The following CALD1 variants were observed in gnomAD, a reference collection of about 807,000 sequenced individuals.
CALD1 encodes the protein caldesmon 1.
A neutral mutation model predicts 99.9 loss-of-function variants in CALD1; 33 were observed. The ratio of observed to expected loss-of-function variants is 0.33; its 90% CI spans 0.25 to 0.44. CALD1 has a LOEUF of 0.44. Ranked by LOEUF, CALD1 falls within the 20% of genes least tolerant of loss-of-function variation. The pLI, the probability that CALD1 is intolerant of heterozygous loss-of-function variation, is 1.00. For missense variants in CALD1, 861 were observed against 962.1 expected (o/e 0.89, Z 1.39); for synonymous variants, 310 against 325.0 (o/e 0.95, Z 0.50).
intron 1 of CALD1, among the ~76,000 whole-genome samples, chr7:134,833,759 T>C (rs1194820906): frequency 6.6e-6 from 1 of 152,232 alleles, no homozygotes; most frequent in Non-Finnish European, 1.5e-5. Flanking sequence ...ACTAGAGTGT[T>C]AGCCCTCTGA....
intron 3 of CALD1, among the ~76,000 whole-genome samples, chr7:134,906,290 G>A (rs1019036944): frequency 6.6e-6 from 1 of 152,130 alleles, no homozygotes; most frequent in African/African-American, 2.4e-5. Flanking sequence ...ACTGAGACCT[G>A]GAAAGAAATG....
At chr7:134,737,175 A>C in the CALD1 span, among the ~76,000 whole-genome samples, 389 of 152,310 alleles carry the variant, frequency 2.6e-3, 3 homozygotes, top group African/African-American at 8.6e-3. Context: ...TCCAGGCTGG[A>C]GTGCAGTGGC....
the CALD1 span, among the ~76,000 whole-genome samples, chr7:134,714,056 A>T: frequency 6.7e-6 from 1 of 150,272 alleles, no homozygotes; most frequent in African/African-American, 2.5e-5. Context: ...AGAACCTCCC[A>T]CCTCCCACCT....
intron 1 of CALD1, among the ~76,000 whole-genome samples, chr7:134,746,478 G>C (rs1418606527): frequency 6.6e-6 from 1 of 152,226 alleles, no homozygotes; most frequent in Non-Finnish European, 1.5e-5. Context: ...GTACTGAGAA[G>C]TGGGGGTGCT....
intron 7 of CALD1, among the ~76,000 whole-genome samples, chr7:134,946,172 T>C (rs1031725029): frequency 6.6e-6 from 1 of 152,090 alleles, no homozygotes; most frequent in Non-Finnish European, 1.5e-5. Context: ...ATACTGTAGA[T>C]GATATAGAAA....
intron 1 of CALD1, among the ~76,000 whole-genome samples, chr7:134,792,054 A>T (rs926899638): frequency 5.3e-5 from 8 of 152,150 alleles, no homozygotes; most frequent in African/African-American, 1.9e-4. Context: ...TCAAGGTGAG[A>T]TTTGGGTGGG....
At chr7:134,718,606 A>C in the CALD1 span, among the ~76,000 whole-genome samples, 2 of 152,206 alleles carry the variant, frequency 1.3e-5, no homozygotes, top group Admixed American at 6.5e-5. Flanking sequence ...CAGATGATTT[A>C]TAAAAGGCTT....
At chr7:134,835,703 GTGAATATCGAAAATTTCTAA>G (rs1799405738) in intron 1 of CALD1, among the ~76,000 whole-genome samples, 1 of 152,116 alleles carries the variant, frequency 6.6e-6, no homozygotes, top group Non-Finnish European at 1.5e-5. Flanking sequence ...CTCTTTCTTT[GTGAATATCGAAAATTTCTAA>G]GTACAACCTT....
intron 1 of CALD1, among the ~76,000 whole-genome samples, chr7:134,795,007 G>A (rs1364359581): frequency 6.6e-6 from 1 of 152,206 alleles, no homozygotes; most frequent in South Asian, 2.1e-4. Flanking sequence ...CCTCTTGTAA[G>A]TCGCTGGAAG....
intron 3 of CALD1, among the ~76,000 whole-genome samples, chr7:134,873,887 CAT>C (rs1801221444): frequency 6.6e-6 from 1 of 152,110 alleles, no homozygotes; most frequent in Admixed American, 6.5e-5. Context: ...TCAATAAACT[CAT>C]TATTAATTAT....
chr7:134,841,637 A>G (rs1384432761), intron 1 of CALD1, among the ~76,000 whole-genome samples: 1 of 152,226 alleles, frequency 6.6e-6, no homozygotes, highest in East Asian at 1.9e-4. Flanking sequence ...CCCTCTGGGC[A>G]CTGGATACAA....
chr7:134,761,637 G>A (rs1184337167), intron 1 of CALD1, among the ~76,000 whole-genome samples: 1 of 152,198 alleles, frequency 6.6e-6, no homozygotes, highest in African/African-American at 2.4e-5. Context: ...GAGATTAAGT[G>A]ACTTTCTCAA....
chr7:134,817,058 T>C (rs535749012), intron 1 of CALD1, among the ~76,000 whole-genome samples: 3 of 152,220 alleles, frequency 2.0e-5, no homozygotes, highest in African/African-American at 7.2e-5. Flanking sequence ...GCTAGGATGT[T>C]GTTACTGCTT....
At chr7:134,912,081 G>A (rs1383359164) in intron 3 of CALD1, among the ~76,000 whole-genome samples, 1 of 152,134 alleles carries the variant, frequency 6.6e-6, no homozygotes, top group Non-Finnish European at 1.5e-5. Flanking sequence ...GAGCAAGAGA[G>A]TATAAAATGA....
At chr7:134,797,411 T>TGAGAC (rs1797786410) in intron 1 of CALD1, among the ~76,000 whole-genome samples, 1 of 152,252 alleles carries the variant, frequency 6.6e-6, no homozygotes, top group African/African-American at 2.4e-5. Flanking sequence ...TTCTAACACA[T>TGAGAC]GAGATCACAT....
At chr7:134,909,370 A>G (rs1281236978) in intron 3 of CALD1, among the ~76,000 whole-genome samples, 1 of 152,238 alleles carries the variant, frequency 6.6e-6, no homozygotes, top group Non-Finnish European at 1.5e-5. Flanking sequence ...TTACCAAGGA[A>G]GAAGGCCATT....
At chr7:134,928,402 C>T (rs969834279) in intron 3 of CALD1, among the ~76,000 whole-genome samples, 3 of 144,156 alleles carry the variant, frequency 2.1e-5, no homozygotes, top group Non-Finnish European at 3.0e-5. Context: ...GCACTCCAGC[C>T]CGGGTGACAG....
intron 1 of CALD1, among the ~76,000 whole-genome samples, chr7:134,837,673 A>C (rs1799499057): frequency 6.6e-6 from 1 of 152,152 alleles, no homozygotes; most frequent in South Asian, 2.1e-4. Flanking sequence ...GAAGCATATG[A>C]TATATGCCAG....
chr7:134,776,251 T>A (rs1796917967), upstream of CALD1, among the ~76,000 whole-genome samples: 1 of 152,158 alleles, frequency 6.6e-6, no homozygotes, highest in South Asian at 2.1e-4. Context: ...AAGCATGACG[T>A]TTGCTATATA....
Sources: gnomAD v4.1 joint callset for allele counts (sites outside exome capture counted in the v4.1 genomes callset) on GRCh38, gnomAD v4.1.1 for gene constraint, MANE v1.5 for transcripts, NCBI Gene and HGNC (gene_info 2026-07-23, HGNC 2026-07-21) for gene names.